TENT2: variants seen among roughly 807,000 people sequenced by gnomAD.
TENT2 encodes the protein terminal nucleotidyltransferase 2.
A neutral mutation model predicts 72.2 loss-of-function variants in TENT2; 44 were observed. That is an observed-to-expected ratio of 0.61 (90% CI 0.48 to 0.78). The LOEUF (loss-of-function observed/expected upper bound fraction) is 0.78. TENT2 is among the 30% of genes least tolerant of loss of function. TENT2 has a pLI of 0.00. For missense variants in TENT2, 541 were observed against 569.6 expected, an observed-to-expected ratio of 0.95 and a Z score of 0.51; for synonymous variants, 212 against 192.5, an observed-to-expected ratio of 1.10 and a Z score of -0.84.
At chr5:79,677,417 T>C (rs551545251) in intron 12 of TENT2, among the ~76,000 whole-genome samples, 204 of 152,284 alleles carry the variant, frequency 1.3e-3, no homozygotes, top group African/African-American at 4.8e-3. Context: ...AAAATCAGGA[T>C]TTGTTTTAAT....
chr5:79,622,577 C>T (rs1365685707), intron 3 of TENT2, among the ~76,000 whole-genome samples: 2 of 152,072 alleles, frequency 1.3e-5, no homozygotes, highest in Non-Finnish European at 2.9e-5. Context: ...CTTTTTCTTT[C>T]TGCCCACCTG....
rs565187959 is a variant in TENT2 at position 79,624,572 on chromosome 5, G to A, written c.465+1083G>A. Reference sequence around the variant, plus strand: ...AAAAGAAACCTTGTACCCAATAACAGTCACTTCTCCTGCTCCCTGGCAACA... The same window carrying A: ...AAAAGAAACCTTGTACCCAATAACAATCACTTCTCCTGCTCCCTGGCAACA... On this transcript the variant is annotated intron_variant, in intron 4 of 14. Transcript: ENST00000453514. 2.6e-5 allele frequency among the ~76,000 whole-genome samples: 4 copies of A among 152,222 alleles called. No homozygotes were observed. In the South Asian group the frequency reaches 8.3e-4, roughly 32 times the overall value.
rs1403849956 is a variant in TENT2 at position 79,687,793 on chromosome 5, A to T, written c.*2520A>T. ...CAATTCTAAATTTTGGATTGATTTG[A>T]ACTAGGATCTTTGCAAATAAATCTC... On this transcript the variant is annotated 3_prime_UTR_variant, in exon 15 of 15. Coordinates refer to ENST00000453514, the MANE Select transcript of TENT2 (RefSeq NM_001114394.3). 6.6e-6 allele frequency among the ~76,000 whole-genome samples: 1 copy of T among 152,250 alleles called. No homozygotes were observed. Among genetic ancestry groups the T allele is most frequent in the Non-Finnish European group, 1.5e-5 (1 of 68,044 alleles).
In TENT2 at chr5:79,642,845, T is replaced by C. The variant is rs374745213; in HGVS notation, c.686T>C (p.Val229Ala). 57 of 1,610,474 alleles carry C rather than the reference T, an allele frequency of 3.5e-5. No homozygotes were observed. The highest frequency in any genetic ancestry group is 5.0e-5 in the Admixed American group (3 of 59,688). Residue 229 changes from valine (V) to alanine (A), a missense_variant, in exon 7 of 15, where the codon GTA (valine) becomes GCA (alanine). Coordinates refer to ENST00000453514, the MANE Select transcript of TENT2 (RefSeq NM_001114394.3). ...TTAACTTTTCAGTGTTTTTTTCAGG[T>C]AAATCAGAAGACTGAAGCACGGCAT... The part of the protein sequence containing the change: ...VVKEEPCFFQ[V>A]NQKTEARHIL...
intron 4 of TENT2, among the ~76,000 whole-genome samples, chr5:79,633,161 AT>A (rs1432778920): frequency 6.6e-6 from 1 of 152,180 alleles, no homozygotes; most frequent in Non-Finnish European, 1.5e-5. Flanking sequence ...TTAAACTTTT[AT>A]TACACATCTG....
intron 11 of TENT2, among the ~76,000 whole-genome samples, chr5:79,661,921 A>G (rs1803254566): frequency 6.6e-6 from 1 of 152,338 alleles, no homozygotes; most frequent in East Asian, 1.9e-4. Context: ...AAACTCTGCC[A>G]CTGCTTTACC....
Position 79,666,331 on chromosome 5 carries a change from C to G in TENT2, c.1072-2561C>G, listed in dbSNP as rs149451176. Among the ~76,000 whole-genome samples the G allele has an allele frequency of 1.2e-3, 176 of 150,996 alleles. 2 individuals carry two copies. The East Asian group carries it at 0.032, about 28-fold the overall frequency. ...TGAAATTTTAAAGCAAAGAATCTTT[C>G]TGTAATGTGAATGATCATTAAAAAC... On this transcript the variant is annotated intron_variant, in intron 11 of 14. Coordinates refer to ENST00000453514, the MANE Select transcript of TENT2 (RefSeq NM_001114394.3).
intron 7 of TENT2, among the ~76,000 whole-genome samples, chr5:79,644,300 T>C (rs1225282685): frequency 6.6e-6 from 1 of 152,130 alleles, no homozygotes; most frequent in Non-Finnish European, 1.5e-5. Context: ...TTCTGTAATT[T>C]TGATGGTAAA....
chr5:79,683,363 C>G (rs1823699077), intron 14 of TENT2, among the ~76,000 whole-genome samples: 1 of 151,668 alleles, frequency 6.6e-6, no homozygotes, highest in South Asian at 2.1e-4. Context: ...CTCACCCCAC[C>G]CCTGGGTGTA....
chr5:79,684,868 G>C (rs752262737), intron 14 of TENT2, among the ~76,000 whole-genome samples: 9 of 151,760 alleles, frequency 5.9e-5, no homozygotes, highest in Non-Finnish European at 1.0e-4. Context: ...AGCCAGCCTG[G>C]GCAATACAAT....
chr5:79,626,417 C>T (rs971933902), intron 4 of TENT2, among the ~76,000 whole-genome samples: 5 of 151,166 alleles, frequency 3.3e-5, no homozygotes, highest in African/African-American at 1.2e-4. Context: ...GCGCTATTCT[C>T]CTGCCTCAGC....
intron 4 of TENT2, among the ~76,000 whole-genome samples, chr5:79,636,153 A>G (rs1779993071): frequency 6.6e-6 from 1 of 152,144 alleles, no homozygotes; most frequent in African/African-American, 2.4e-5. Flanking sequence ...ATTTTATGTT[A>G]GCCACTTTTA....
At chr5:79,672,503 T>TA (rs1813713612) in intron 12 of TENT2, among the ~76,000 whole-genome samples, 1 of 152,230 alleles carries the variant, frequency 6.6e-6, no homozygotes, top group South Asian at 2.1e-4. Flanking sequence ...TCTAGTCTCT[T>TA]ATCTCCATGA....
intron 11 of TENT2, among the ~76,000 whole-genome samples, chr5:79,665,111 A>G (rs889958019): frequency 6.6e-6 from 1 of 152,226 alleles, no homozygotes; most frequent in Admixed American, 6.5e-5. Context: ...CAATTCAGAT[A>G]TCTTTGCAGA....
intron 11 of TENT2, among the ~76,000 whole-genome samples, chr5:79,659,568 A>AAG (rs1561547549): frequency 8.3e-5 from 9 of 107,930 alleles, no homozygotes; most frequent in African/African-American, 3.5e-4. Context: ...ATATATATAT[A>AAG]TATATATATA....
At position 79,685,225 on chromosome 5, in the gene TENT2, A is replaced by G. The variant is rs2151040146; in HGVS notation, c.1407A>G (p.Arg469=). Residue 469 remains arginine (R), a synonymous_variant, in exon 15 of 15, where the codon AGA becomes AGG. Transcript: ENST00000453514. ...CATGGCACAGATTGAAAAACAAGAGAGATTTGAACAGTATACTACCTGTAA... is the reference window on the plus strand; with the variant it reads ...CATGGCACAGATTGAAAAACAAGAGGGATTTGAACAGTATACTACCTGTAA... ...LKSWHRLKNK[R]DLNSILPVRA... 7 of 1,607,174 alleles carry G rather than the reference A, an allele frequency of 4.4e-6. No homozygotes were observed. Among genetic ancestry groups the G allele is most frequent in the Non-Finnish European group, 1.7e-6 (2 of 1,178,280 alleles).
chr5:79,618,126 A>G (rs1307192991), intron 1 of TENT2, among the ~76,000 whole-genome samples: 1 of 151,908 alleles, frequency 6.6e-6, no homozygotes, highest in East Asian at 1.9e-4. Flanking sequence ...TCCTGCCCCT[A>G]CCACCTTTTC....
rs144417699 is a variant in TENT2 at position 79,662,194 on chromosome 5, C to T, written c.1071+5193C>T. Among the ~76,000 whole-genome samples, 653 of 152,342 alleles carry T rather than the reference C, an allele frequency of 4.3e-3. 6 individuals carry two copies. The highest frequency in any genetic ancestry group is 0.014 in the African/African-American group (579 of 41,582). ...TCATGAAATTGCAGCAGTTCAGTCACATCTTCAGGTTCCACTGCTAATTCT... is the reference window on the plus strand; with the variant it reads ...TCATGAAATTGCAGCAGTTCAGTCATATCTTCAGGTTCCACTGCTAATTCT... On this transcript the variant is annotated intron_variant, in intron 11 of 14. Coordinates refer to ENST00000453514, the MANE Select transcript of TENT2 (RefSeq NM_001114394.3).
chr5:79,655,325 C>CTTTT (rs1284709604), intron 10 of TENT2, among the ~76,000 whole-genome samples: 5 of 152,000 alleles, frequency 3.3e-5, no homozygotes, highest in Non-Finnish European at 7.4e-5. Context: ...GTTCTAAAAG[C>CTTTT]TTTTTTGTCC....
Sources: allele counts gnomAD v4.1 joint callset (sites outside exome capture counted in the v4.1 genomes callset), GRCh38; gene constraint gnomAD v4.1.1; transcripts MANE v1.5; gene names NCBI Gene and HGNC (gene_info 2026-07-23, HGNC 2026-07-21).